Variants in CD163L1 observed in about 807,000 individuals in gnomAD.
CD163L1 encodes the protein scavenger receptor cysteine-rich type 1 protein M160.
A neutral mutation model predicts 165.4 loss-of-function variants in CD163L1; 124 were observed. The ratio of observed to expected loss-of-function variants is 0.75; its 90% confidence interval spans 0.65 to 0.87. CD163L1 has a LOEUF of 0.87. Ranked by LOEUF, CD163L1 falls within the 40% of genes least tolerant of loss-of-function variation. The pLI, the probability that CD163L1 is intolerant of heterozygous loss-of-function variation, is 0.00. For missense variants in CD163L1, 1,525 were observed against 1,799.9 expected (o/e 0.85, Z 2.76); for synonymous variants, 585 against 662.2 (o/e 0.88, Z 1.79).
In CD163L1 at chr12:7,406,609, A is replaced by C; in HGVS notation, c.1010T>G (p.Phe337Cys). Residue 337 changes from phenylalanine (F) to cysteine (C), a missense_variant, in exon 5 of 20, where the codon TTT becomes TGT. Phe to Cys is a radical substitution (Grantham distance 205, BLOSUM62 -2). Transcript: ENST00000313599. ...TCCGGAATGTCTGCAGTCCCAAAGA[A>C]AAGATTCATTACCGGAGCAGGAGAC... is the stretch of plus-strand genomic sequence containing the variant. ...DGVSCSGNESFLWDCRHSGTV... is the reference protein window; with the variant it reads ...DGVSCSGNESCLWDCRHSGTV... 2 of 1,614,068 alleles carry C rather than the reference A, an allele frequency of 1.2e-6. No homozygotes were observed. The highest frequency in any genetic ancestry group is 1.7e-6 in the Non-Finnish European group (2 of 1,179,984).
the CD163L1 span, among the ~76,000 whole-genome samples, chr12:7,332,075 G>C: frequency 2.0e-5 from 3 of 152,200 alleles, no homozygotes; most frequent in South Asian, 2.1e-4. Context: ...AACCAATGCA[G>C]AGAAGTCCTT....
chr12:7,341,060 T>G, the CD163L1 span, among the ~76,000 whole-genome samples: 732 of 152,314 alleles, frequency 4.8e-3, 4 homozygotes, highest in Non-Finnish European at 8.4e-3. Flanking sequence ...TATGGACATA[T>G]TTTTGACATT....
chr12:7,345,888 G>T (rs915300890), downstream of CD163L1, among the ~76,000 whole-genome samples: 1 of 152,146 alleles, frequency 6.6e-6, no homozygotes, highest in Non-Finnish European at 1.5e-5. Flanking sequence ...GGGCAGGAGT[G>T]AAAGAGAGAG....
chr12:7,371,818 T>C (rs1214033964), intron 14 of CD163L1, among the ~76,000 whole-genome samples: 1 of 151,920 alleles, frequency 6.6e-6, no homozygotes, highest in Non-Finnish European at 1.5e-5. Context: ...AAAATATTGC[T>C]AAATCAAAAG....
chr12:7,411,168 G>A (rs1158734901), intron 4 of CD163L1, among the ~76,000 whole-genome samples: 1 of 152,026 alleles, frequency 6.6e-6, no homozygotes, highest in Non-Finnish European at 1.5e-5. Context: ...AAGGAAAACA[G>A]AATAGCCTAA....
chr12:7,438,094 C>G (rs1318709868), intron 2 of CD163L1, among the ~76,000 whole-genome samples: 3 of 151,994 alleles, frequency 2.0e-5, no homozygotes, highest in Non-Finnish European at 2.9e-5. Context: ...TTTTTCTTCT[C>G]CACTGCATTT....
At chr12:7,344,898 G>A (rs767877888), downstream of CD163L1, among the ~76,000 whole-genome samples, 4 of 152,354 alleles carry the variant, frequency 2.6e-5, no homozygotes, top group Non-Finnish European at 5.9e-5. Context: ...GATGTGAGGA[G>A]CAGTGTCCCC....
intron 4 of CD163L1, among the ~76,000 whole-genome samples, chr12:7,421,753 AT>A (rs1948442194): frequency 7.8e-6 from 1 of 128,574 alleles, no homozygotes; most frequent in East Asian, 2.3e-4. Context: ...GTGTATATAT[AT>A]ATATATATAT....
rs1947077295 is a variant in CD163L1, at chr12:7,368,781, C to T, written c.4072+152G>A. 2.6e-6 allele frequency: 2 copies of T among 778,138 alleles called. No individual in the cohort carries two copies. Among genetic ancestry groups the T allele is most frequent in the African/African-American group, 1.7e-5 (1 of 57,812 alleles). 48.2% of individuals were successfully genotyped at this position (778,138 alleles called of 1,614,324 possible). On this transcript the variant is annotated intron_variant, in intron 16 of 19. Transcript: ENST00000313599. The surrounding 1 kb of genome is among the most constrained non-coding windows in gnomAD (Gnocchi z 4.3). The stretch of plus-strand genomic sequence containing the variant: ...GAGAAGGACTGCATAGCAAAGCAGT[C>T]ACAGAGCTATTGATACCACTGGCTG...
intron 2 of CD163L1, 68 bp from the exon 3 acceptor site, chr12:7,433,762 T>G: frequency 9.2e-7 from 1 of 1,091,960 alleles, no homozygotes; most frequent in Admixed American, 2.2e-5. Context: ...TATAAGTAGG[T>G]GAGATGGATG....
In CD163L1 at chr12:7,368,377, A is replaced by G. The variant is rs1236624975; in HGVS notation, c.4073-180T>C. On this transcript the variant is annotated intron_variant, in intron 16 of 19. Coordinates refer to ENST00000313599, the MANE Select transcript of CD163L1 (RefSeq NM_174941.6). This position sits in a 1 kb window ranked among gnomAD's most constrained non-coding sequence, Gnocchi z 4.3. ...TTTAGATGAAAACTATCTTGGAACA[A>G]CTGAATCCAAATCTTTCCATAATTC... Among the ~76,000 whole-genome samples the G allele has an allele frequency of 1.3e-5, 2 of 152,220 alleles. No homozygotes were observed. The highest frequency in any genetic ancestry group is 2.9e-5 in the Non-Finnish European group (2 of 68,028).
chr12:7,365,484 A>C (rs1946995167), intron 18 of CD163L1, among the ~76,000 whole-genome samples: 2 of 152,164 alleles, frequency 1.3e-5, no homozygotes, highest in Non-Finnish European at 2.9e-5. Context: ...GACAACCCAC[A>C]GAGTGGGAGA....
chr12:7,348,146 T>G (rs903796391), intron 4 of CD163L1, among the ~76,000 whole-genome samples: 3 of 152,216 alleles, frequency 2.0e-5, no homozygotes, highest in African/African-American at 7.2e-5. Flanking sequence ...CTAAAATTAA[T>G]AAAAATATTG....
chr12:7,355,372 A>C (rs1946754055), intron 19 of CD163L1, among the ~76,000 whole-genome samples: 1 of 152,170 alleles, frequency 6.6e-6, no homozygotes. Flanking sequence ...GAGTCTCAGA[A>C]TGTAATAATT....
Position 7,398,647 on chromosome 12 carries a change from A to G in CD163L1, c.1409-63T>C. ...GAGAGAGTCTTTTCAGAAGACTGAA[A>G]AGACTCTCTAAATTCACGACTATAA... On this transcript the variant is annotated intron_variant, in intron 6 of 19. Transcript: ENST00000313599. The surrounding 1 kb of genome is among the most constrained non-coding windows in gnomAD (Gnocchi z 4.5). 1.4e-6 allele frequency: 2 copies of G among 1,385,502 alleles called. No homozygotes were observed. The highest frequency in any genetic ancestry group is 2.0e-6 in the Non-Finnish European group (2 of 1,024,112). The allele number at this position is 1,385,502 out of a possible 1,614,324, so 85.8% of individuals were successfully genotyped here.
At chr12:7,345,368 A>T (rs879655462), downstream of CD163L1, among the ~76,000 whole-genome samples, 2 of 152,184 alleles carry the variant, frequency 1.3e-5, no homozygotes, top group Non-Finnish European at 1.5e-5. Context: ...TCCCTAGGGC[A>T]TGAACAGAAA....
the CD163L1 span, among the ~76,000 whole-genome samples, chr12:7,332,408 A>G: frequency 1.4e-4 from 22 of 152,202 alleles, no homozygotes; most frequent in African/African-American, 5.3e-4. Flanking sequence ...GCAGGCCAAC[A>G]TTCAAATTCA....
chr12:7,338,673 T>G, the CD163L1 span, among the ~76,000 whole-genome samples: 1 of 152,182 alleles, frequency 6.6e-6, no homozygotes, highest in Non-Finnish European at 1.5e-5. Flanking sequence ...TCTAGTGTTT[T>G]AGGCTCAATA....
the CD163L1 span, among the ~76,000 whole-genome samples, chr12:7,321,376 A>G: frequency 3.3e-5 from 5 of 152,242 alleles, no homozygotes; most frequent in South Asian, 2.1e-4. Flanking sequence ...TTCAAACTCA[A>G]TACATGAGGA....
Sources: gnomAD v4.1 joint callset for allele counts (sites outside exome capture counted in the v4.1 genomes callset) on GRCh38, gnomAD v4.1.1 for gene constraint, Gnocchi (gnomAD v3.1) non-coding constraint, MANE v1.5 for transcripts, NCBI Gene and HGNC (gene_info 2026-07-23, HGNC 2026-07-21) for gene names.